ZBTB20: variants seen among roughly 807,000 people sequenced by gnomAD.
ZBTB20 encodes the protein zinc finger and BTB domain containing 20.
In ZBTB20, 9 loss-of-function variants were observed where a neutral mutation model predicts 56.9. The ratio of observed to expected loss-of-function variants is 0.16; its 90% CI spans 0.10 to 0.28. ZBTB20 has a LOEUF of 0.28. Among genes scored for constraint, ZBTB20 ranks in the 10% least tolerant of loss-of-function variants. ZBTB20 has a pLI of 1.00. For missense variants in ZBTB20, 655 were observed against 1,003.0 expected (o/e 0.65, Z 4.69); for synonymous variants, 417 against 420.7 (o/e 0.99, Z 0.11).
chr3:114,721,689 C>T (rs547506623), intron 5 of ZBTB20, among the ~76,000 whole-genome samples: 41 of 152,252 alleles, frequency 2.7e-4, no homozygotes, highest in African/African-American at 9.4e-4. Context: ...AGCCTGTTCT[C>T]CTAACCCCCA....
intron 2 of ZBTB20, among the ~76,000 whole-genome samples, chr3:114,988,645 T>G (rs1284858058): frequency 6.6e-6 from 1 of 152,198 alleles, no homozygotes; most frequent in Non-Finnish European, 1.5e-5. Context: ...CAAATGGTAT[T>G]TCTAGTTCTA....
intron 6 of ZBTB20, among the ~76,000 whole-genome samples, chr3:114,679,130 A>T (rs1409131551): frequency 6.6e-6 from 1 of 152,214 alleles, no homozygotes; most frequent in African/African-American, 2.4e-5. Context: ...ACAAAAATTA[A>T]TTCAAGATGG....
At chr3:114,481,551 T>C (rs1490692954) in intron 7 of ZBTB20, among the ~76,000 whole-genome samples, 1 of 152,212 alleles carries the variant, frequency 6.6e-6, no homozygotes, top group East Asian at 1.9e-4. Flanking sequence ...ACCACCTGAC[T>C]GTTAGGCCTT....
intron 6 of ZBTB20, among the ~76,000 whole-genome samples, chr3:114,505,656 C>T (rs550989589): frequency 2.6e-5 from 4 of 152,034 alleles, no homozygotes; most frequent in African/African-American, 7.2e-5. Context: ...ATCCCTTTAA[C>T]GTTCTAGAAG....
intron 1 of ZBTB20, among the ~76,000 whole-genome samples, chr3:115,125,616 G>A (rs1488762918): frequency 1.3e-5 from 2 of 152,156 alleles, no homozygotes; most frequent in Admixed American, 1.3e-4. Flanking sequence ...TAAAATTTCA[G>A]TTATACAGAA....
intron 2 of ZBTB20, among the ~76,000 whole-genome samples, chr3:114,998,171 C>A (rs779983164): frequency 6.6e-6 from 1 of 151,628 alleles, no homozygotes; most frequent in African/African-American, 2.4e-5. Flanking sequence ...CACATTGGTA[C>A]CATCTTACAT....
At chr3:114,563,201 T>C (rs533890362) in intron 6 of ZBTB20, among the ~76,000 whole-genome samples, 3 of 152,210 alleles carry the variant, frequency 2.0e-5, no homozygotes, top group Non-Finnish European at 4.4e-5. Context: ...ACCACTGTCT[T>C]TGTCTATTTG....
intron 6 of ZBTB20, among the ~76,000 whole-genome samples, chr3:114,606,392 C>A (rs191303096): frequency 4.0e-4 from 61 of 152,268 alleles, no homozygotes; most frequent in Middle Eastern, 3.4e-3. Context: ...CAGGAGGAAG[C>A]AGTTGGGATT....
Position 114,338,892 on chromosome 3 carries a change from GA to G in ZBTB20, c.*112del. On this transcript the variant is annotated 3_prime_UTR_variant, in exon 12 of 12. Coordinates refer to ENST00000675478, the MANE Select transcript of ZBTB20 (RefSeq NM_001348800.3). ...ATGAAACGAAACAAAAACAAAAACA[GA>G]AAGTAAAAATGAAACCAAAACATTT... The G allele has an allele frequency of 7.7e-7, 1 of 1,293,528 alleles. No homozygotes were observed. The highest frequency in any genetic ancestry group is 1.8e-5 in the South Asian group (1 of 55,430). The allele number at this position is 1,293,528 out of a possible 1,614,324, so 80.1% of individuals were successfully genotyped here.
At chr3:114,618,576 T>TA (rs1013851359) in intron 6 of ZBTB20, among the ~76,000 whole-genome samples, 14 of 152,102 alleles carry the variant, frequency 9.2e-5, no homozygotes, top group Non-Finnish European at 1.6e-4. Context: ...TTTCTTAAAC[T>TA]AAAAAATACA....
intron 2 of ZBTB20, among the ~76,000 whole-genome samples, chr3:115,041,530 A>C (rs555551915): frequency 6.6e-6 from 1 of 152,332 alleles, no homozygotes; most frequent in South Asian, 2.1e-4. Flanking sequence ...AACAGAGAGC[A>C]AATACTGTAA....
chr3:114,557,508 T>C (rs892643807), intron 6 of ZBTB20, among the ~76,000 whole-genome samples: 2 of 151,986 alleles, frequency 1.3e-5, no homozygotes, highest in Non-Finnish European at 2.9e-5. Flanking sequence ...TATTCTATGA[T>C]ACTATGTTAT....
chr3:114,704,276 C>T lies in ZBTB20; in HGVS notation c.-342-10701G>A, dbSNP rs143861351. 8.4e-4 allele frequency among the ~76,000 whole-genome samples: 128 copies of T among 152,102 alleles called. 1 individual carries two copies. Among genetic ancestry groups the T allele is most frequent in the African/African-American group, 2.8e-3 (118 of 41,510 alleles). On this transcript the variant is annotated intron_variant, in intron 5 of 11. Coordinates refer to ENST00000675478, the MANE Select transcript of ZBTB20 (RefSeq NM_001348800.3). ...ATCTGCTTGCTTTCACTCTATATAA[C>T]GTCTATATTTATATGCTTATGCTTC... is the stretch of plus-strand genomic sequence containing the variant.
chr3:115,078,688 T>C (rs986374773), intron 1 of ZBTB20, among the ~76,000 whole-genome samples: 1 of 148,976 alleles, frequency 6.7e-6, no homozygotes, highest in East Asian at 2.0e-4. Context: ...GTTGAGGTAG[T>C]TGGGAATGAA....
At chr3:114,486,840 G>A (rs2718425) in intron 7 of ZBTB20, among the ~76,000 whole-genome samples, 89,834 of 152,040 alleles carry the variant, frequency 0.59, 27,121 homozygotes, top group East Asian at 0.75. Context: ...TGAGAGGTAA[G>A]GTGACCTGTT....
intron 6 of ZBTB20, among the ~76,000 whole-genome samples, chr3:114,544,604 A>G (rs1456418212): frequency 2.6e-5 from 4 of 151,434 alleles, no homozygotes; most frequent in African/African-American, 9.7e-5. Context: ...CCTGGGCCCA[A>G]GTGATCCTTC....
chr3:114,608,024 G>C (rs928348007), intron 6 of ZBTB20, among the ~76,000 whole-genome samples: 2 of 152,144 alleles, frequency 1.3e-5, no homozygotes, highest in African/African-American at 4.8e-5. Flanking sequence ...CTGTGTTCTA[G>C]CCAAAACTAG....
Position 114,395,904 on chromosome 3 carries a change from A to G in ZBTB20, c.-254-6799T>C, listed in dbSNP as rs534608589. On this transcript the variant is annotated intron_variant, in intron 7 of 11. Coordinates refer to ENST00000675478, the MANE Select transcript of ZBTB20 (RefSeq NM_001348800.3). ...TCTTTGACAGTTCATAAACTCTGTTAATATAAGTTGCACATCCCATGCCAT... is the reference window on the plus strand; with the variant it reads ...TCTTTGACAGTTCATAAACTCTGTTGATATAAGTTGCACATCCCATGCCAT... Among the ~76,000 whole-genome samples, 5 of 152,250 alleles carry G rather than the reference A, an allele frequency of 3.3e-5. No individual in the cohort carries two copies. The South Asian group carries it at 1.0e-3, about 32-fold the overall frequency.
intron 6 of ZBTB20, among the ~76,000 whole-genome samples, chr3:114,652,229 A>AT (rs922673204): frequency 2.6e-4 from 40 of 152,092 alleles, no homozygotes; most frequent in African/African-American, 8.9e-4. Context: ...CAGCATTCTG[A>AT]TTTTTATCAC....
Sources: gnomAD v4.1 joint callset for allele counts (sites outside exome capture counted in the v4.1 genomes callset) on GRCh38, gnomAD v4.1.1 for gene constraint, MANE v1.5 for transcripts, NCBI Gene and HGNC (gene_info 2026-07-23, HGNC 2026-07-21) for gene names.